Variants in LRIG3 observed in about 807,000 individuals in gnomAD.
LRIG3 encodes leucine rich repeats and immunoglobulin like domains 3.
In LRIG3, 76 loss-of-function variants were observed where a neutral mutation model predicts 114.5. The observed-to-expected ratio is 0.66, with a 90% CI of 0.55 to 0.80. The LOEUF (loss-of-function observed/expected upper bound fraction) is 0.80, where lower values mean the gene tolerates loss of function less well. Among genes scored for constraint, LRIG3 ranks in the 30% least tolerant of loss-of-function variants. The probability of loss-of-function intolerance (pLI) is 0.00; values close to 1 mark genes in which losing one functional copy is unlikely to be tolerated. For synonymous variants in LRIG3, 512 were observed against 519.8 expected (o/e 0.98, Z 0.20); for missense variants, 1,239 against 1,382.8 (o/e 0.90, Z 1.65).
chr12:58,903,075 G>C (rs886705181), intron 3 of LRIG3, among the ~76,000 whole-genome samples: 4 of 152,092 alleles, frequency 2.6e-5, no homozygotes, highest in African/African-American at 9.7e-5. Context: ...TAGTCCTTTG[G>C]GTATATACCC....
chr12:58,902,760 C>T lies in LRIG3; in HGVS notation c.383+11222G>A, dbSNP rs926984506. 3.9e-4 allele frequency among the ~76,000 whole-genome samples: 55 copies of T among 141,952 alleles called. 1 individual carries two copies. Among genetic ancestry groups the T allele is most frequent in the Non-Finnish European group, 2.0e-4 (13 of 65,976 alleles). 93.1% of individuals were successfully genotyped at this position (141,952 alleles called of 152,430 possible). ...ACAGTCCCCAGAGTGTGATGTTCCC[C>T]TTCCTGTGTCCATGTGTTCTCATTG... On this transcript the variant is annotated intron_variant, in intron 3 of 18. Coordinates refer to ENST00000320743, the MANE Select transcript of LRIG3 (RefSeq NM_153377.5).
At chr12:58,888,510 T>C in intron 6 of LRIG3, 38 bp from the exon 7 acceptor site, 1 of 1,606,974 alleles carries the variant, frequency 6.2e-7, no homozygotes, top group Non-Finnish European at 8.5e-7. Flanking sequence ...GGATCAAAAC[T>C]TCATTATCTA....
chr12:58,920,315 G>A lies in LRIG3; in HGVS notation c.-80C>T, dbSNP rs558578954. The A allele has an allele frequency of 1.3e-3, 1,417 of 1,090,864 alleles. 17 individuals carry two copies. The South Asian group carries it at 0.028, about 22-fold the overall frequency. 67.6% of individuals were successfully genotyped at this position (1,090,864 alleles called of 1,614,324 possible). ...GGCCCGGCACAAACTTCCAGCCGAGGGTGCACGCCCGCCCTCGCGGTCGCG... is the reference window on the plus strand; with the variant it reads ...GGCCCGGCACAAACTTCCAGCCGAGAGTGCACGCCCGCCCTCGCGGTCGCG... On this transcript the variant is annotated 5_prime_UTR_variant, in exon 1 of 19. Transcript: ENST00000320743.
Position 58,887,784 on chromosome 12 carries a change from C to A in LRIG3, c.1091+5G>T. On this transcript the variant is annotated splice_donor_5th_base_variant and intron_variant, in intron 8 of 18. Coordinates refer to ENST00000320743, the MANE Select transcript of LRIG3 (RefSeq NM_153377.5). ...CGAGTACTGACAGCAAAACGTGTAA[C>A]TTACAAAGTCTTTAAACTGGAAAGC... is the stretch of plus-strand genomic sequence containing the variant. The A allele has an allele frequency of 6.2e-7, 1 of 1,612,852 alleles. No individual in the cohort carries two copies. The highest frequency in any genetic ancestry group is 8.5e-7 in the Non-Finnish European group (1 of 1,179,386).
chr12:58,899,446 GTTC>G (rs1009410804), intron 3 of LRIG3, among the ~76,000 whole-genome samples: 8 of 150,962 alleles, frequency 5.3e-5, no homozygotes, highest in Non-Finnish European at 1.2e-4. Context: ...TTGTTTTTTG[GTTC>G]TTTTTTCTGA....
intron 10 of LRIG3, among the ~76,000 whole-genome samples, chr12:58,885,054 T>TG (rs1218102252): frequency 6.6e-6 from 1 of 152,090 alleles, no homozygotes; most frequent in African/African-American, 2.4e-5. Context: ...ATTTCAGAAA[T>TG]GTGTGCCAGG....
At chr12:58,884,223 C>G (rs1311656154) in intron 10 of LRIG3, among the ~76,000 whole-genome samples, 4 of 152,190 alleles carry the variant, frequency 2.6e-5, no homozygotes, top group African/African-American at 9.7e-5. Flanking sequence ...CTTGTTAAAA[C>G]CAATACTTCA....
chr12:58,874,067 T>C lies in LRIG3; in HGVS notation c.3103A>G (p.Asn1035Asp). ...NPEPASVASS[N>D]SFMGTFGKAL... ...TTAATAAACTTACCCATGAAAGAAT[T>C]ACTCGAGGCAACCGACGCTGGCTCT... The change falls in exon 18 of 19, where the codon AAT (asparagine) becomes GAT (aspartate). Residue 1035 changes from asparagine to aspartate, a missense_variant. Asn to Asp is a conservative substitution (Grantham distance 23). Coordinates refer to ENST00000320743, the MANE Select transcript of LRIG3 (RefSeq NM_153377.5). 1 of 1,614,126 alleles carries C rather than the reference T, an allele frequency of 6.2e-7. No individual in the cohort carries two copies. The highest frequency in any genetic ancestry group is 1.6e-4 in the Middle Eastern group (1 of 6,062).
At chr12:58,903,160 G>T (rs1251136335) in intron 3 of LRIG3, among the ~76,000 whole-genome samples, 1 of 152,104 alleles carries the variant, frequency 6.6e-6, no homozygotes, top group Non-Finnish European at 1.5e-5. Flanking sequence ...ACTTCCACTA[G>T]AGTTGAACTA....
intron 3 of LRIG3, among the ~76,000 whole-genome samples, chr12:58,909,778 G>C (rs1469376678): frequency 6.6e-6 from 1 of 152,214 alleles, no homozygotes; most frequent in Non-Finnish European, 1.5e-5. Flanking sequence ...GTTAATTCCA[G>C]GCCACCTGAC....
chr12:58,882,860 T>C lies in LRIG3; in HGVS notation c.1480+9A>G, dbSNP rs201826143. 6 of 1,611,044 alleles carry C rather than the reference T, an allele frequency of 3.7e-6. No homozygotes were observed. Among genetic ancestry groups the C allele is most frequent in the Non-Finnish European group, 5.1e-6 (6 of 1,178,796 alleles). On this transcript the variant is annotated intron_variant, in intron 12 of 18. Coordinates refer to ENST00000320743, the MANE Select transcript of LRIG3 (RefSeq NM_153377.5). Reference sequence around the variant, plus strand: ...ATAAATAAAAGGCAAGGGCAATACTTATACTCACCACACACAAAGCCATCT... The same window carrying C: ...ATAAATAAAAGGCAAGGGCAATACTCATACTCACCACACACAAAGCCATCT...
chr12:58,905,919 T>G (rs570216374), intron 3 of LRIG3, among the ~76,000 whole-genome samples: 46 of 152,336 alleles, frequency 3.0e-4, no homozygotes, highest in Admixed American at 2.9e-3. Flanking sequence ...AGGTATTCTG[T>G]ATAGCTTTCT....
intron 3 of LRIG3, among the ~76,000 whole-genome samples, chr12:58,900,532 AT>A (rs1051312813): frequency 6.6e-6 from 1 of 152,230 alleles, no homozygotes; most frequent in Non-Finnish European, 1.5e-5. Flanking sequence ...TTCTATAGAA[AT>A]TCAATGAATG....
intron 7 of LRIG3, 93 bp from the exon 8 acceptor site, chr12:58,888,025 T>C: frequency 2.7e-6 from 3 of 1,095,422 alleles, no homozygotes; most frequent in Non-Finnish European, 3.9e-6. Flanking sequence ...TGAGCTACAC[T>C]AATCCTTATT....
intron 3 of LRIG3, among the ~76,000 whole-genome samples, chr12:58,904,142 C>T (rs904387659): frequency 6.6e-6 from 1 of 152,074 alleles, no homozygotes; most frequent in Non-Finnish European, 1.5e-5. Context: ...AGTACTTAAG[C>T]AACTTTCAGC....
chr12:58,891,138 C>T (rs925703684), intron 3 of LRIG3, among the ~76,000 whole-genome samples: 22 of 151,792 alleles, frequency 1.4e-4, no homozygotes, highest in African/African-American at 4.6e-4. Context: ...TTTTTAGAGA[C>T]AGGGTCTCAC....
In LRIG3 at chr12:58,876,526, C is replaced by G. The variant is rs770518505; in HGVS notation, c.2614G>C (p.Val872Leu). The change falls in exon 16 of 19, where the codon GTG becomes CTG. Residue 872 changes from valine to leucine, a missense_variant. Val to Leu is a conservative substitution (Grantham distance 32, BLOSUM62 1). Coordinates refer to ENST00000320743, the MANE Select transcript of LRIG3 (RefSeq NM_153377.5). ...TGGTGGCTTCCACTTTCTGAAGACACGTACCCATCCTGCCTGTCAGCTAAC... is the reference window on the plus strand; with the variant it reads ...TGGTGGCTTCCACTTTCTGAAGACAGGTACCCATCCTGCCTGTCAGCTAAC... ...GTLADRQDGY[V>L]SSESGSHHQF... 1 of 1,614,112 alleles carries G rather than the reference C, an allele frequency of 6.2e-7. No individual in the cohort carries two copies. The highest frequency in any genetic ancestry group is 1.6e-4 in the Middle Eastern group (1 of 6,062).
chr12:58,874,307 C>T lies in LRIG3; in HGVS notation c.2863G>A (p.Val955Ile), dbSNP rs1403243626. The T allele has an allele frequency of 1.9e-6, 3 of 1,612,506 alleles. No individual in the cohort carries two copies. In the African/African-American group the frequency reaches 4.0e-5, roughly 22 times the overall value. ...HTGCSPDPRT[V>I]LMDHYEPSYI... ...CTGGGCTCATAGTGGTCCATTAAAA[C>T]TGTTCTTGGGTCAGGACTGCAACCT... Residue 955 changes from valine (V) to isoleucine (I), a missense_variant, in exon 18 of 19, where the codon GTT (valine) becomes ATT (isoleucine). Physicochemically the swap from Val to Ile is conservative, Grantham distance 29. Coordinates refer to ENST00000320743, the MANE Select transcript of LRIG3 (RefSeq NM_153377.5).
intron 3 of LRIG3, among the ~76,000 whole-genome samples, chr12:58,900,192 CA>C (rs1871793245): frequency 6.6e-6 from 1 of 151,972 alleles, no homozygotes; most frequent in Non-Finnish European, 1.5e-5. Context: ...TCCTCCTATA[CA>C]AAAGTTTTAA....
Sources: gnomAD v4.1 joint callset for allele counts (sites outside exome capture counted in the v4.1 genomes callset) on GRCh38, gnomAD v4.1.1 for gene constraint, MANE v1.5 for transcripts, NCBI Gene and HGNC (gene_info 2026-07-23, HGNC 2026-07-21) for gene names.